ARHGAP26: variants seen among roughly 807,000 people sequenced by gnomAD.
ARHGAP26 encodes the protein rho GTPase-activating protein 26.
ARHGAP26 carries 38 observed loss-of-function variants against 104.8 expected under a neutral mutation model. The observed-to-expected ratio is 0.36, with a 90% confidence interval of 0.28 to 0.48. The LOEUF (loss-of-function observed/expected upper bound fraction) is 0.48, where lower values mean the gene tolerates loss of function less well. Ranked by LOEUF, ARHGAP26 falls within the 20% of genes least tolerant of loss-of-function variation. The probability of loss-of-function intolerance (pLI) is 0.99; values close to 1 mark genes in which losing one functional copy is unlikely to be tolerated. For missense variants in ARHGAP26, 704 were observed against 947.9 expected (o/e 0.74, Z 3.38); for synonymous variants, 341 against 340.0 (o/e 1.00, Z -0.03).
At position 142,863,584 on chromosome 5, in the gene ARHGAP26, T is replaced by C. The variant is rs954462343; in HGVS notation, c.155-9816T>C. Among the ~76,000 whole-genome samples, 3 of 152,166 alleles carry C rather than the reference T, an allele frequency of 2.0e-5. No individual in the cohort carries two copies. The East Asian group carries it at 5.8e-4, about 29-fold the overall frequency. ...TTTATTCATTCATTCCTCCAATATA[T>C]ATTGAGGTCCTGTATGTTCCAGGCA... On this transcript the variant is annotated intron_variant, in intron 1 of 22. Coordinates refer to ENST00000645722, the MANE Select transcript of ARHGAP26 (RefSeq NM_001135608.3).
chr5:143,046,565 A>G (rs1381626431), intron 14 of ARHGAP26, among the ~76,000 whole-genome samples: 1 of 152,268 alleles, frequency 6.6e-6, no homozygotes, highest in Non-Finnish European at 1.5e-5. Flanking sequence ...AACAGAAGTC[A>G]TTAGTCTTTA....
intron 11 of ARHGAP26, among the ~76,000 whole-genome samples, chr5:142,991,525 T>G (rs932289455): frequency 1.3e-5 from 2 of 152,188 alleles, no homozygotes; most frequent in African/African-American, 4.8e-5. Flanking sequence ...CGAAATCACC[T>G]GTCTTCTGCG....
chr5:143,024,569 C>T (rs893853543), intron 12 of ARHGAP26, among the ~76,000 whole-genome samples: 1 of 152,108 alleles, frequency 6.6e-6, no homozygotes, highest in African/African-American at 2.4e-5. Flanking sequence ...ATATTTCCCC[C>T]ACTGCCACCG....
intron 1 of ARHGAP26, among the ~76,000 whole-genome samples, chr5:142,780,995 T>C (rs74466917): frequency 0.042 from 6,361 of 152,326 alleles, 258 homozygotes; most frequent in African/African-American, 0.1. Context: ...CTCCTGTTGA[T>C]GTAGAAGGCT....
At chr5:143,148,486 G>A (rs1799420255) in intron 20 of ARHGAP26, among the ~76,000 whole-genome samples, 2 of 152,218 alleles carry the variant, frequency 1.3e-5, no homozygotes, top group South Asian at 2.1e-4. Context: ...TGACTATACT[G>A]TAGGATGAAA....
chr5:142,917,176 A>G lies in ARHGAP26; in HGVS notation c.1028+3883A>G, dbSNP rs988785721. Among the ~76,000 whole-genome samples the G allele has an allele frequency of 4.0e-5, 6 of 151,532 alleles. 1 individual carries two copies. The South Asian group carries it at 6.3e-4, about 16-fold the overall frequency. ...TGCCTCAGCCTCCTGAGCAGCTGGGATTACAGGCATGCACCACCATGCCCA... is the reference window on the plus strand; with the variant it reads ...TGCCTCAGCCTCCTGAGCAGCTGGGGTTACAGGCATGCACCACCATGCCCA... On this transcript the variant is annotated intron_variant, in intron 10 of 22. Transcript: ENST00000645722.
chr5:142,801,402 T>A (rs1338767590), intron 1 of ARHGAP26, among the ~76,000 whole-genome samples: 1 of 152,152 alleles, frequency 6.6e-6, no homozygotes, highest in African/African-American at 2.4e-5. Context: ...AACTTTATAA[T>A]GTATAGTGTC....
intron 18 of ARHGAP26, among the ~76,000 whole-genome samples, chr5:143,128,828 T>C (rs1205497769): frequency 6.6e-6 from 1 of 152,212 alleles, no homozygotes; most frequent in East Asian, 1.9e-4. Context: ...TGCTTTGTAA[T>C]CCCCAGGCCT....
intron 5 of ARHGAP26, among the ~76,000 whole-genome samples, chr5:142,890,093 G>A (rs1466205753): frequency 3.8e-5 from 5 of 131,914 alleles, no homozygotes; most frequent in Admixed American, 8.7e-5. Flanking sequence ...CCGAATTCGC[G>A]CCATTGTACT....
intron 1 of ARHGAP26, among the ~76,000 whole-genome samples, chr5:142,780,007 C>T (rs965213048): frequency 6.6e-6 from 1 of 152,216 alleles, no homozygotes; most frequent in Non-Finnish European, 1.5e-5. Flanking sequence ...CCCTCCAATG[C>T]TTCCTGTCTC....
At chr5:143,090,244 T>G (rs904852301) in intron 17 of ARHGAP26, among the ~76,000 whole-genome samples, 3 of 152,240 alleles carry the variant, frequency 2.0e-5, no homozygotes, top group Non-Finnish European at 4.4e-5. Context: ...AGAGCTACCA[T>G]GCAGCCCATG....
At chr5:143,180,955 C>G (rs181997574) in intron 20 of ARHGAP26, among the ~76,000 whole-genome samples, 3 of 152,336 alleles carry the variant, frequency 2.0e-5, no homozygotes, top group Non-Finnish European at 4.4e-5. Flanking sequence ...GTGTGTCTCC[C>G]TGTTTCCATG....
chr5:142,836,328 A>G (rs1769557139), intron 1 of ARHGAP26, among the ~76,000 whole-genome samples: 2 of 152,174 alleles, frequency 1.3e-5, no homozygotes, highest in Non-Finnish European at 2.9e-5. Context: ...TTCCCCGGTG[A>G]TGAACCAGTC....
At chr5:143,108,720 G>A (rs1794389962) in intron 17 of ARHGAP26, among the ~76,000 whole-genome samples, 1 of 152,150 alleles carries the variant, frequency 6.6e-6, no homozygotes, top group Non-Finnish European at 1.5e-5. Flanking sequence ...GGTTACCTAG[G>A]GTGGGTATTT....
chr5:142,959,975 T>G (rs1465792450), intron 11 of ARHGAP26, among the ~76,000 whole-genome samples: 1 of 152,214 alleles, frequency 6.6e-6, no homozygotes, highest in African/African-American at 2.4e-5. Flanking sequence ...TGGTCTGTTT[T>G]TGTATTCCAA....
intron 1 of ARHGAP26, among the ~76,000 whole-genome samples, chr5:142,804,084 G>A (rs781769814): frequency 2.0e-5 from 3 of 151,988 alleles, no homozygotes; most frequent in African/African-American, 4.8e-5. Flanking sequence ...GCCTGCAGCC[G>A]TAAAGTCAGC....
chr5:142,788,365 T>G (rs1469049332), intron 1 of ARHGAP26, among the ~76,000 whole-genome samples: 1 of 152,186 alleles, frequency 6.6e-6, no homozygotes, highest in Non-Finnish European at 1.5e-5. Flanking sequence ...CCACCCCATT[T>G]TTTTGTTGCT....
intron 11 of ARHGAP26, among the ~76,000 whole-genome samples, chr5:143,004,211 G>C (rs1777619949): frequency 6.6e-6 from 1 of 152,142 alleles, no homozygotes; most frequent in African/African-American, 2.4e-5. Context: ...ATTTTCCTAA[G>C]TTAGGTTTTC....
Position 143,227,720 on chromosome 5 carries a change from G to C in ARHGAP26, c.*5274G>C, listed in dbSNP as rs1811777509. The C allele has an allele frequency of 4.4e-6, 1 of 228,256 alleles. No individual in the cohort carries two copies. The highest frequency in any genetic ancestry group is 2.2e-5 in the African/African-American group (1 of 45,032). The allele number at this position is 228,256 out of a possible 1,614,324, so 14.1% of individuals were successfully genotyped here. ...GTCCTTGCTGAAATGTGGTCTTCCA[G>C]TGGAAGCACCTGTATTATTGAGAGG... On this transcript the variant is annotated 3_prime_UTR_variant, in exon 23 of 23. Coordinates refer to ENST00000645722, the MANE Select transcript of ARHGAP26 (RefSeq NM_001135608.3).
Sources: gnomAD v4.1 joint callset for allele counts (sites outside exome capture counted in the v4.1 genomes callset) on GRCh38, gnomAD v4.1.1 for gene constraint, MANE v1.5 for transcripts, NCBI Gene and HGNC (gene_info 2026-07-23, HGNC 2026-07-21) for gene names.